Variants in KCNH7 observed in about 807,000 individuals in gnomAD.
KCNH7 encodes the protein potassium voltage-gated channel subfamily H member 7.
KCNH7 carries 49 observed loss-of-function variants against 120.8 expected under a neutral mutation model. The ratio of observed to expected loss-of-function variants is 0.41; its 90% CI spans 0.32 to 0.51. KCNH7 has a LOEUF of 0.51. Among genes scored for constraint, KCNH7 ranks in the 20% least tolerant of loss-of-function variants. KCNH7 has a pLI of 0.38. For missense variants in KCNH7, 1,097 were observed against 1,446.6 expected (o/e 0.76, Z 3.92); for synonymous variants, 547 against 516.1 (o/e 1.06, Z -0.81).
chr2:162,574,487 A>T (rs980675671), intron 2 of KCNH7, among the ~76,000 whole-genome samples: 2 of 152,066 alleles, frequency 1.3e-5, no homozygotes, highest in African/African-American at 4.8e-5. Context: ...ATGGTCTCTT[A>T]ATACAGTTGC....
chr2:162,752,343 A>G (rs1347311764), intron 2 of KCNH7, among the ~76,000 whole-genome samples: 3 of 152,186 alleles, frequency 2.0e-5, no homozygotes, highest in Non-Finnish European at 4.4e-5. Context: ...AATGTTGTAG[A>G]TATCCCAAAC....
At chr2:162,528,486 G>A (rs1410010699) in intron 3 of KCNH7, 3 of 151,990 alleles carry the variant, frequency 2.0e-5, no homozygotes, top group Non-Finnish European at 4.4e-5. Context: ...GCTAGAAGAA[G>A]AAAAGCATTT....
intron 6 of KCNH7, among the ~76,000 whole-genome samples, chr2:162,494,822 C>T (rs1690440421): frequency 6.6e-6 from 1 of 152,084 alleles, no homozygotes; most frequent in Non-Finnish European, 1.5e-5. Context: ...GCATATGGGA[C>T]TCATAAAGAG....
chr2:162,689,991 A>G (rs566554450), intron 2 of KCNH7, among the ~76,000 whole-genome samples: 1 of 152,294 alleles, frequency 6.6e-6, no homozygotes, highest in African/African-American at 2.4e-5. Context: ...ATGCTCACCA[A>G]TGATAGACTG....
In KCNH7 at chr2:162,745,557, T is replaced by C. The variant is rs1437321688; in HGVS notation, c.307+90980A>G. On this transcript the variant is annotated intron_variant, in intron 2 of 15. Transcript: ENST00000332142. ...ACAATTTCCTTTAAACAAGAAATAG[T>C]AAGCATGACTTCTATTGCCTTTCTT... Among the ~76,000 whole-genome samples, 3 of 152,164 alleles carry C rather than the reference T, an allele frequency of 2.0e-5. No homozygotes were observed. In the South Asian group the frequency reaches 6.2e-4, roughly 31 times the overall value.
chr2:162,764,949 A>G (rs1486079335), intron 2 of KCNH7, among the ~76,000 whole-genome samples: 1 of 152,200 alleles, frequency 6.6e-6, no homozygotes, highest in Admixed American at 6.5e-5. Context: ...ATTGTTAGAC[A>G]TATATAGCCA....
Position 162,537,037 on chromosome 2 carries a change from G to A in KCNH7, c.351C>T (p.Asn117=). The A allele has an allele frequency of 6.2e-7, 1 of 1,612,458 alleles. No homozygotes were observed. Among genetic ancestry groups the A allele is most frequent in the Non-Finnish European group, 8.5e-7 (1 of 1,178,942 alleles). The change falls in exon 3 of 16, where the codon AAC becomes AAT. Residue 117 remains asparagine, a synonymous_variant. Transcript: ENST00000332142. ...ICNTHIIPVK[N]QEGVAMMFII... is the part of the protein sequence containing the mutation. ...TGAACATCATAGCCACGCCCTCTTG[G>A]TTTTTCACTGGAATTATGTGAGTGT...
At chr2:162,446,470 C>A in intron 6 of KCNH7, 27 bp from the exon 7 acceptor site, 1 of 1,534,636 alleles carries the variant, frequency 6.5e-7, no homozygotes, top group Non-Finnish European at 8.8e-7. Flanking sequence ...AAATCATACA[C>A]TACATAAATA....
intron 2 of KCNH7, among the ~76,000 whole-genome samples, chr2:162,574,848 A>G (rs1693615711): frequency 6.6e-6 from 1 of 152,098 alleles, no homozygotes; most frequent in Admixed American, 6.6e-5. Flanking sequence ...TCTACACAGT[A>G]TTATCAGGTT....
chr2:162,496,758 T>C (rs1341032245), intron 6 of KCNH7, among the ~76,000 whole-genome samples: 1 of 152,208 alleles, frequency 6.6e-6, no homozygotes. Context: ...AAAATTTGCC[T>C]TAAGTATAAT....
intron 2 of KCNH7, among the ~76,000 whole-genome samples, chr2:162,665,275 T>C (rs1169767612): frequency 6.6e-6 from 1 of 152,120 alleles, no homozygotes; most frequent in African/African-American, 2.4e-5. Flanking sequence ...GTCTTACCAC[T>C]ATTGAGTGTA....
At chr2:162,602,293 G>T (rs182987559) in intron 2 of KCNH7, among the ~76,000 whole-genome samples, 1 of 151,974 alleles carries the variant, frequency 6.6e-6, no homozygotes, top group South Asian at 2.1e-4. Context: ...TGAACTGGAA[G>T]GTTGTTTAAC....
intron 5 of KCNH7, among the ~76,000 whole-genome samples, chr2:162,510,995 G>A (rs773365428): frequency 6.6e-6 from 1 of 151,704 alleles, no homozygotes; most frequent in Non-Finnish European, 1.5e-5. Flanking sequence ...TTGTGCAATG[G>A]TTTAGAGATT....
At chr2:162,830,034 T>A (rs918559905) in intron 2 of KCNH7, among the ~76,000 whole-genome samples, 1 of 152,056 alleles carries the variant, frequency 6.6e-6, no homozygotes, top group African/African-American at 2.4e-5. Context: ...CAATAATGCG[T>A]AATAACAAGG....
intron 10 of KCNH7, among the ~76,000 whole-genome samples, chr2:162,399,278 C>T (rs1354660953): frequency 1.3e-5 from 2 of 151,680 alleles, no homozygotes; most frequent in Non-Finnish European, 2.9e-5. Flanking sequence ...TTGCTCTTCC[C>T]CAGTGTCCTA....
chr2:162,669,568 G>C (rs1454939416), intron 2 of KCNH7, among the ~76,000 whole-genome samples: 1 of 152,224 alleles, frequency 6.6e-6, no homozygotes, highest in African/African-American at 2.4e-5. Context: ...TTTTAAAGCA[G>C]TGGTTCCCAA....
chr2:162,532,474 C>T (rs1376085787), intron 3 of KCNH7, among the ~76,000 whole-genome samples: 4 of 151,884 alleles, frequency 2.6e-5, no homozygotes, highest in Non-Finnish European at 5.9e-5. Context: ...GACTACTTGT[C>T]GGCAACAGTT....
At chr2:162,583,144 G>A (rs997657541) in intron 2 of KCNH7, among the ~76,000 whole-genome samples, 1 of 151,980 alleles carries the variant, frequency 6.6e-6, no homozygotes, top group Non-Finnish European at 1.5e-5. Context: ...CTGACTAATA[G>A]CTGTAAACTG....
intron 2 of KCNH7, among the ~76,000 whole-genome samples, chr2:162,642,290 AC>A (rs1684185349): frequency 6.6e-6 from 1 of 152,206 alleles, no homozygotes; most frequent in African/African-American, 2.4e-5. Context: ...CTGAGCTAAA[AC>A]ACTGCCTTTA....
Sources: allele counts gnomAD v4.1 joint callset (sites outside exome capture counted in the v4.1 genomes callset), GRCh38; gene constraint gnomAD v4.1.1; transcripts MANE v1.5; gene names NCBI Gene and HGNC (gene_info 2026-07-23, HGNC 2026-07-21).